ANKRD44: variants seen among roughly 807,000 people sequenced by gnomAD.
ANKRD44 encodes the protein serine/threonine-protein phosphatase 6 regulatory ankyrin repeat subunit B.
A neutral mutation model predicts 116.0 loss-of-function variants in ANKRD44; 35 were observed. The ratio of observed to expected loss-of-function variants is 0.30; its 90% CI spans 0.23 to 0.40. The LOEUF (loss-of-function observed/expected upper bound fraction) is 0.40. ANKRD44 is among the 10% of genes least tolerant of loss of function. ANKRD44 has a pLI of 1.00. For missense variants in ANKRD44, 1,014 were observed against 1,242.6 expected (o/e 0.82, Z 2.77); for synonymous variants, 435 against 461.8 (o/e 0.94, Z 0.74).
downstream of ANKRD44, among the ~76,000 whole-genome samples, chr2:196,986,003 T>C (rs1184469166): frequency 6.6e-6 from 1 of 152,224 alleles, no homozygotes; most frequent in Non-Finnish European, 1.5e-5. Flanking sequence ...GAGGACCTAA[T>C]AAGCTTCCTC....
At chr2:197,121,727 C>G (rs1474489673) in intron 7 of ANKRD44, among the ~76,000 whole-genome samples, 183 bp from the exon 8 acceptor site, 1 of 152,160 alleles carries the variant, frequency 6.6e-6, no homozygotes, top group Non-Finnish European at 1.5e-5. Context: ...TGGTAAAGAT[C>G]AGCAAAAAGT....
Position 197,110,803 on chromosome 2 carries a change from A to C in ANKRD44, c.948T>G (p.His316Gln), listed in dbSNP as rs771157418. The C allele has an allele frequency of 6.2e-7, 1 of 1,614,090 alleles. No individual in the cohort carries two copies. Among genetic ancestry groups the C allele is most frequent in the South Asian group, 1.1e-5 (1 of 91,082 alleles). The part of the protein sequence containing the change: ...GKSPLHMTAV[H>Q]GRFTRSQTLI... ...GGGTCTGTGACCGTGTGAACCTTCCATGGACAGCTGTCATGTGCAGTGGAC... is the reference window on the plus strand; with the variant it reads ...GGGTCTGTGACCGTGTGAACCTTCCCTGGACAGCTGTCATGTGCAGTGGAC... Residue 316 changes from histidine to glutamine, a missense_variant, in exon 9 of 28, where the codon CAT becomes CAG. Physicochemically the swap from His to Gln is conservative, Grantham distance 24. Coordinates refer to ENST00000282272, the MANE Select transcript of ANKRD44 (RefSeq NM_001195144.2).
intron 1 of ANKRD44, among the ~76,000 whole-genome samples, chr2:197,308,353 T>A (rs1035728115): frequency 6.6e-6 from 1 of 152,126 alleles, no homozygotes; most frequent in Admixed American, 6.5e-5. Context: ...TAAAAGTTAA[T>A]CTGTGAGGTT....
intron 1 of ANKRD44, among the ~76,000 whole-genome samples, chr2:197,247,101 G>A (rs979011148): frequency 1.3e-5 from 2 of 152,124 alleles, no homozygotes; most frequent in African/African-American, 4.8e-5. Flanking sequence ...GAATGTCCAG[G>A]CTAATGAACG....
chr2:197,118,651 G>GAAAGAAAA (rs1553512614), intron 8 of ANKRD44, among the ~76,000 whole-genome samples: 26 of 150,512 alleles, frequency 1.7e-4, no homozygotes, highest in South Asian at 4.2e-4. Context: ...AAGAAAGAAA[G>GAAAGAAAA]AAAGAAAGAA....
intron 9 of ANKRD44, among the ~76,000 whole-genome samples, chr2:197,109,975 C>T (rs1473218354): frequency 7.4e-5 from 8 of 108,842 alleles, no homozygotes; most frequent in African/African-American, 1.2e-4. Context: ...TCTGTCAAGC[C>T]TGTGAATTTT....
intron 15 of ANKRD44, 70 bp downstream of exon 15, chr2:197,081,575 C>T (rs2077796286): frequency 1.0e-5 from 14 of 1,381,960 alleles, no homozygotes; most frequent in South Asian, 2.3e-5. Flanking sequence ...AGGCAGGCAA[C>T]GTGGCAACTC....
intron 7 of ANKRD44, among the ~76,000 whole-genome samples, chr2:197,121,887 A>G (rs1337722025): frequency 6.6e-6 from 1 of 152,110 alleles, no homozygotes; most frequent in African/African-American, 2.4e-5. Flanking sequence ...AGAGTCCCAC[A>G]CTCTAGGATT....
intron 1 of ANKRD44, among the ~76,000 whole-genome samples, chr2:197,252,558 C>T (rs369697991): frequency 4.1e-4 from 63 of 152,264 alleles, no homozygotes; most frequent in African/African-American, 1.4e-3. Context: ...AGGCGCCCGC[C>T]ACCACGCCCG....
intron 1 of ANKRD44, among the ~76,000 whole-genome samples, chr2:197,229,095 C>A (rs1167980110): frequency 6.6e-6 from 1 of 152,164 alleles, no homozygotes; most frequent in Non-Finnish European, 1.5e-5. Flanking sequence ...CTGTGCATGA[C>A]AAATCACTGA....
intron 1 of ANKRD44, among the ~76,000 whole-genome samples, chr2:197,226,212 T>C (rs183240921): frequency 6.6e-6 from 1 of 152,290 alleles, no homozygotes; most frequent in African/African-American, 2.4e-5. Flanking sequence ...TAGAACTGAG[T>C]GTGTCTTAGA....
In ANKRD44 at chr2:197,038,385, A is replaced by G. The variant is rs1050673207; in HGVS notation, c.1651-13118T>C. On this transcript the variant is annotated intron_variant, in intron 16 of 27. Transcript: ENST00000282272. ...CAACCAACCAATCAATCAGCAAAAC[A>G]AGCAAACAAATAAACAAACCTGACC... is the stretch of plus-strand genomic sequence containing the variant. 5.3e-5 allele frequency among the ~76,000 whole-genome samples: 8 copies of G among 152,224 alleles called. 1 individual carries two copies. Among genetic ancestry groups the G allele is most frequent in the Admixed American group, 3.3e-4 (5 of 15,282 alleles).
At chr2:197,250,283 C>T (rs2082286276) in intron 1 of ANKRD44, among the ~76,000 whole-genome samples, 1 of 152,174 alleles carries the variant, frequency 6.6e-6, no homozygotes, top group African/African-American at 2.4e-5. Flanking sequence ...AGCAGGAAAG[C>T]TGGGGCCAGG....
At chr2:197,046,645 A>AT (rs1336273373) in intron 16 of ANKRD44, among the ~76,000 whole-genome samples, 1 of 151,378 alleles carries the variant, frequency 6.6e-6, no homozygotes. Context: ...GACTGGCAAA[A>AT]AAAAAAAAAG....
chr2:197,121,455 G>T lies in ANKRD44; in HGVS notation c.783C>A (p.Tyr261Ter). ...TGTTTGGCTGGTTCACGTTAGCACC[G>T]TAGTCAATCAACTCGTTAACCACAG... ...QDAVVNELID[Y>*]GANVNQPNNN... Residue 261 changes from tyrosine (Y) to a stop codon, truncating the protein, a stop_gained, in exon 8 of 28, where the codon TAC (tyrosine) becomes TAA (stop). Transcript: ENST00000282272. LOFTEE classifies it high-confidence loss of function. 6.2e-7 allele frequency: 1 copy of T among 1,614,168 alleles called. No homozygotes were observed. Among genetic ancestry groups the T allele is most frequent in the African/African-American group, 1.3e-5 (1 of 75,040 alleles).
intron 4 of ANKRD44, among the ~76,000 whole-genome samples, chr2:197,129,206 G>A (rs781185114): frequency 2.6e-5 from 4 of 150,944 alleles, no homozygotes; most frequent in East Asian, 1.9e-4. Context: ...GTACCAACCC[G>A]GCTCACTGCA....
At chr2:197,145,417 A>G (rs970830514) in intron 3 of ANKRD44, among the ~76,000 whole-genome samples, 10 of 152,186 alleles carry the variant, frequency 6.6e-5, no homozygotes, top group African/African-American at 2.4e-4. Flanking sequence ...TCTGCCTACA[A>G]TTTTCCACGG....
intron 3 of ANKRD44, among the ~76,000 whole-genome samples, chr2:197,145,224 G>A (rs1468907772): frequency 6.6e-6 from 1 of 152,190 alleles, no homozygotes; most frequent in African/African-American, 2.4e-5. Context: ...CCAAGAGGCA[G>A]AGGTTGCAGT....
At chr2:197,047,139 C>T (rs773338402) in intron 16 of ANKRD44, among the ~76,000 whole-genome samples, 1 of 152,080 alleles carries the variant, frequency 6.6e-6, no homozygotes, top group African/African-American at 2.4e-5. Flanking sequence ...CTGCCTCAGC[C>T]TACCAAGTAG....
Sources: gnomAD v4.1 joint callset for allele counts (sites outside exome capture counted in the v4.1 genomes callset) on GRCh38, gnomAD v4.1.1 for gene constraint, MANE v1.5 for transcripts, NCBI Gene and HGNC (gene_info 2026-07-23, HGNC 2026-07-21) for gene names.